MAGI2: variants seen among roughly 807,000 people sequenced by gnomAD.
MAGI2 encodes the protein membrane associated guanylate kinase, WW and PDZ domain containing 2.
MAGI2 carries 35 observed loss-of-function variants against 133.3 expected under a neutral mutation model. The observed-to-expected ratio is 0.26, with a 90% CI of 0.20 to 0.35. The LOEUF is 0.35. Ranked by LOEUF, MAGI2 falls within the 10% of genes least tolerant of loss-of-function variation. The pLI, the probability that MAGI2 is intolerant of heterozygous loss-of-function variation, is 1.00. For missense variants in MAGI2, 1,636 were observed against 1,863.4 expected (o/e 0.88, Z 2.25); for synonymous variants, 729 against 710.6 (o/e 1.03, Z -0.41).
intron 3 of MAGI2, among the ~76,000 whole-genome samples, chr7:78,545,731 G>C (rs536028281): frequency 6.6e-6 from 1 of 152,128 alleles, no homozygotes; most frequent in East Asian, 1.9e-4. Flanking sequence ...TTCAAAATGA[G>C]TTTGTGTAGA....
intron 3 of MAGI2, among the ~76,000 whole-genome samples, chr7:78,613,175 T>G (rs773752587): frequency 8.5e-5 from 13 of 152,180 alleles, no homozygotes; most frequent in Admixed American, 2.6e-4. Flanking sequence ...TCAGGGTACA[T>G]TATATCAGTT....
chr7:78,647,879 A>G (rs1811066033), intron 2 of MAGI2, among the ~76,000 whole-genome samples: 1 of 152,174 alleles, frequency 6.6e-6, no homozygotes, highest in African/African-American at 2.4e-5. Context: ...CATCATTCTC[A>G]GCAAAATATC....
intron 4 of MAGI2, among the ~76,000 whole-genome samples, chr7:78,517,803 G>A (rs1441762856): frequency 6.6e-6 from 1 of 152,064 alleles, no homozygotes; most frequent in Non-Finnish European, 1.5e-5. Flanking sequence ...TGTGTCTGGT[G>A]CAATTTTGAG....
intron 1 of MAGI2, among the ~76,000 whole-genome samples, chr7:79,444,736 G>A (rs1848724264): frequency 1.3e-5 from 2 of 152,096 alleles, no homozygotes; most frequent in African/African-American, 2.4e-5. Flanking sequence ...TGGCCATACT[G>A]CCCAAGGTAA....
chr7:78,857,759 TG>T (rs1584174893), intron 2 of MAGI2, among the ~76,000 whole-genome samples: 1 of 152,360 alleles, frequency 6.6e-6, no homozygotes, highest in African/African-American at 2.4e-5. Flanking sequence ...AGGATGATGT[TG>T]GCCTCATAAA....
At chr7:78,054,801 CA>C (rs1375552671) in intron 21 of MAGI2, among the ~76,000 whole-genome samples, 1 of 151,910 alleles carries the variant, frequency 6.6e-6, no homozygotes, top group East Asian at 1.9e-4. Flanking sequence ...TACAGGCATG[CA>C]CCACCAAGCC....
chr7:78,436,980 C>T (rs1043676552), intron 6 of MAGI2, among the ~76,000 whole-genome samples: 4 of 152,148 alleles, frequency 2.6e-5, no homozygotes, highest in African/African-American at 9.7e-5. Context: ...GCAGTACTCT[C>T]TAAGGCTGAT....
chr7:78,609,272 T>G (rs1274076268), intron 3 of MAGI2, among the ~76,000 whole-genome samples: 1 of 152,124 alleles, frequency 6.6e-6, no homozygotes, highest in African/African-American at 2.4e-5. Context: ...CCATCACAAG[T>G]CCACTCCTTG....
intron 6 of MAGI2, among the ~76,000 whole-genome samples, chr7:78,464,310 A>G (rs929968895): frequency 1.3e-5 from 2 of 152,142 alleles, no homozygotes; most frequent in Non-Finnish European, 2.9e-5. Context: ...CAAATTTACT[A>G]ATAACATCTT....
At chr7:78,829,313 T>C (rs999507802) in intron 2 of MAGI2, among the ~76,000 whole-genome samples, 6 of 152,072 alleles carry the variant, frequency 3.9e-5, no homozygotes, top group African/African-American at 1.4e-4. Flanking sequence ...CATATGCCTT[T>C]TTTGTTTTTG....
chr7:78,053,243 A>G (rs1447316638), intron 21 of MAGI2, among the ~76,000 whole-genome samples: 1 of 152,264 alleles, frequency 6.6e-6, no homozygotes, highest in African/African-American at 2.4e-5. Flanking sequence ...TTCAAAATTG[A>G]GATTTTAAAT....
At chr7:79,045,151 A>G (rs1242709191) in intron 1 of MAGI2, among the ~76,000 whole-genome samples, 2 of 152,256 alleles carry the variant, frequency 1.3e-5, no homozygotes, top group Non-Finnish European at 2.9e-5. Flanking sequence ...CAACTGTATG[A>G]TATCATTTAT....
intron 10 of MAGI2, among the ~76,000 whole-genome samples, chr7:78,220,903 A>AT (rs1344102153): frequency 6.6e-6 from 1 of 152,158 alleles, no homozygotes; most frequent in East Asian, 1.9e-4. Flanking sequence ...TGCTTTGGTC[A>AT]TTTGTAGACA....
At chr7:79,204,791 T>C (rs1435233386) in intron 1 of MAGI2, among the ~76,000 whole-genome samples, 1 of 151,476 alleles carries the variant, frequency 6.6e-6, no homozygotes, top group Non-Finnish European at 1.5e-5. Flanking sequence ...AAAAATAAAA[T>C]AAATAGAAAT....
intron 9 of MAGI2, among the ~76,000 whole-genome samples, chr7:78,289,838 C>T (rs935891249): frequency 2.6e-5 from 4 of 152,116 alleles, no homozygotes; most frequent in Admixed American, 1.3e-4. Context: ...AGAATTTCAT[C>T]TCCAGCCCAA....
intron 6 of MAGI2, among the ~76,000 whole-genome samples, chr7:78,471,932 A>AT (rs1216037832): frequency 3.3e-5 from 5 of 152,036 alleles, no homozygotes; most frequent in Non-Finnish European, 7.4e-5. Flanking sequence ...CTCAAAAAAA[A>AT]AAAAGTAAGG....
intron 1 of MAGI2, among the ~76,000 whole-genome samples, chr7:79,040,339 C>T (rs917062855): frequency 1.3e-5 from 2 of 151,640 alleles, no homozygotes; most frequent in Non-Finnish European, 1.5e-5. Flanking sequence ...CTCTTTCTTT[C>T]ATAATTGTAT....
chr7:78,039,278 C>T (rs1415792811), intron 21 of MAGI2, among the ~76,000 whole-genome samples: 2 of 152,164 alleles, frequency 1.3e-5, no homozygotes, highest in East Asian at 1.9e-4. Context: ...ATCTCTCACA[C>T]CTGAATTAAT....
At chr7:78,436,390 T>A (rs1040904476) in intron 6 of MAGI2, among the ~76,000 whole-genome samples, 1 of 152,126 alleles carries the variant, frequency 6.6e-6, no homozygotes, top group Non-Finnish European at 1.5e-5. Flanking sequence ...AACATTTTAA[T>A]GAGGAGAAAG....
Sources: allele counts gnomAD v4.1 joint callset (sites outside exome capture counted in the v4.1 genomes callset), GRCh38; gene constraint gnomAD v4.1.1; transcripts MANE v1.5; gene names NCBI Gene and HGNC (gene_info 2026-07-23, HGNC 2026-07-21).